Variants in TRIP4 observed in about 807,000 individuals in gnomAD.
The protein encoded by TRIP4 is activating signal cointegrator 1.
A neutral mutation model predicts 81.8 loss-of-function variants in TRIP4; 54 were observed. That is an observed-to-expected ratio of 0.66 (90% CI 0.53 to 0.83). TRIP4 has a LOEUF of 0.83. TRIP4 is among the 40% of genes least tolerant of loss of function. TRIP4 has a pLI of 0.00. For synonymous variants in TRIP4, 270 were observed against 242.8 expected (o/e 1.11, Z -1.04); for missense variants, 662 against 683.6 (o/e 0.97, Z 0.35).
intron 12 of TRIP4, among the ~76,000 whole-genome samples, chr15:64,451,993 C>G (rs1369266329): frequency 6.9e-6 from 1 of 145,240 alleles, no homozygotes; most frequent in African/African-American, 2.6e-5. Context: ...AGGTCTCACT[C>G]TGTTGCCCAT....
At chr15:64,435,675 C>A (rs370363732) in intron 11 of TRIP4, among the ~76,000 whole-genome samples, 1 of 150,000 alleles carries the variant, frequency 6.7e-6, no homozygotes, top group East Asian at 1.9e-4. Flanking sequence ...CCCTCTAGAT[C>A]TTTAAGTATA....
At chr15:64,435,213 CAAAAAAAAAAAAA>C (rs35216763) in intron 11 of TRIP4, among the ~76,000 whole-genome samples, 2 of 50,398 alleles carry the variant, frequency 4.0e-5, no homozygotes, top group African/African-American at 1.8e-4. Flanking sequence ...GACCCCATCT[CAAAAAAAAAAAAA>C]AAAAAAAAAA....
At chr15:64,395,004 C>G (rs909494951) in intron 2 of TRIP4, among the ~76,000 whole-genome samples, 2 of 152,092 alleles carry the variant, frequency 1.3e-5, no homozygotes, top group Non-Finnish European at 2.9e-5. Context: ...GTTACCACAC[C>G]TGGCTAATTT....
chr15:64,404,622 T>A (rs1305938298), intron 5 of TRIP4, among the ~76,000 whole-genome samples: 1 of 152,302 alleles, frequency 6.6e-6, no homozygotes, highest in South Asian at 2.1e-4. Flanking sequence ...GTAATTTTAT[T>A]ATTAATGAGG....
intron 11 of TRIP4, among the ~76,000 whole-genome samples, chr15:64,435,287 C>T (rs1429214504): frequency 6.7e-6 from 1 of 149,412 alleles, no homozygotes; most frequent in Non-Finnish European, 1.5e-5. Flanking sequence ...TTTGGGAGGC[C>T]ATGGCGGGCA....
chr15:64,423,912 C>A, intron 9 of TRIP4, 119 bp from the exon 10 acceptor site: 1 of 1,157,196 alleles, frequency 8.6e-7, no homozygotes, highest in African/African-American at 1.5e-5. Flanking sequence ...CTTGAGAAGG[C>A]ATCATCTATA....
At chr15:64,445,267 C>T (rs1386053241) in intron 12 of TRIP4, 159 bp downstream of exon 12, 4 of 425,492 alleles carry the variant, frequency 9.4e-6, no homozygotes, top group Admixed American at 4.4e-5. Context: ...CTTTGATGGT[C>T]TAATTTTCTT....
At chr15:64,392,084 G>C (rs1198929669) in intron 1 of TRIP4, among the ~76,000 whole-genome samples, 2 of 151,278 alleles carry the variant, frequency 1.3e-5, no homozygotes, top group Non-Finnish European at 2.9e-5. Flanking sequence ...AGACCAGCCT[G>C]GCCAACATAG....
Position 64,425,987 on chromosome 15 carries a change from G to T in TRIP4, c.1575+356G>T, listed in dbSNP as rs376710067. On this transcript the variant is annotated intron_variant, in intron 11 of 12. Coordinates refer to ENST00000261884, the MANE Select transcript of TRIP4 (RefSeq NM_016213.5). ...AGTCCCAGCTGCTCCAAAGGCTGAG[G>T]CAGGAGAATAGCTTGAACCCGGGAG... Among the ~76,000 whole-genome samples the T allele has an allele frequency of 9.2e-5, 14 of 152,266 alleles. No individual in the cohort carries two copies. The South Asian group carries it at 1.5e-3, about 16-fold the overall frequency.
chr15:64,411,952 A>AT (rs11371201), intron 7 of TRIP4, among the ~76,000 whole-genome samples: 152,273 of 152,274 alleles, frequency 1, 76,136 homozygotes, highest in Non-Finnish European at 1. Context: ...AAGTGCTGGG[A>AT]TACAGGCGTG....
intron 11 of TRIP4, among the ~76,000 whole-genome samples, chr15:64,437,456 G>A (rs1275790500): frequency 1.3e-5 from 2 of 150,954 alleles, no homozygotes; most frequent in African/African-American, 4.9e-5. Flanking sequence ...GAAAGGATTT[G>A]AACTGTGTTC....
intron 5 of TRIP4, among the ~76,000 whole-genome samples, chr15:64,402,667 G>A (rs1891537646): frequency 6.6e-6 from 1 of 151,686 alleles, no homozygotes; most frequent in Non-Finnish European, 1.5e-5. Flanking sequence ...GGGATTACAA[G>A]CGCATGCCAC....
intron 11 of TRIP4, among the ~76,000 whole-genome samples, chr15:64,430,246 A>G (rs1892238598): frequency 6.6e-6 from 1 of 152,208 alleles, no homozygotes; most frequent in African/African-American, 2.4e-5. Context: ...AACCCTCCTG[A>G]GTAATGGCAG....
chr15:64,391,874 G>A (rs562565512), intron 1 of TRIP4, among the ~76,000 whole-genome samples: 2 of 150,964 alleles, frequency 1.3e-5, no homozygotes, highest in Non-Finnish European at 1.5e-5. Flanking sequence ...AGGAGGCTGA[G>A]GCAGGAGAAT....
Position 64,454,353 on chromosome 15 carries a change from G to C in TRIP4, c.1679-644G>C, listed in dbSNP as rs904084288. ...CTCTATCCTGGTAGATCTGAGAAGA[G>C]GTCAGAGACCACATCAGTAATATAC... is the stretch of plus-strand genomic sequence containing the variant. On this transcript the variant is annotated intron_variant, in intron 12 of 12. Coordinates refer to ENST00000261884, the MANE Select transcript of TRIP4 (RefSeq NM_016213.5). Among the ~76,000 whole-genome samples, 10 of 152,230 alleles carry C rather than the reference G, an allele frequency of 6.6e-5. No individual in the cohort carries two copies. The East Asian group carries it at 1.9e-3, about 29-fold the overall frequency.
intron 9 of TRIP4, among the ~76,000 whole-genome samples, chr15:64,421,647 TTTTC>T (rs1892015922): frequency 6.6e-6 from 1 of 152,134 alleles, no homozygotes; most frequent in Non-Finnish European, 1.5e-5. Context: ...TTACTGTACC[TTTTC>T]TATGTCTAGA....
At chr15:64,406,269 A>G in intron 5 of TRIP4, 61 bp from the exon 6 acceptor site, 1 of 1,588,330 alleles carries the variant, frequency 6.3e-7, no homozygotes, top group Non-Finnish European at 8.6e-7. Context: ...TTTGTTGCAC[A>G]CTGGTACAAC....
At chr15:64,434,570 C>T (rs773180722) in intron 11 of TRIP4, among the ~76,000 whole-genome samples, 2 of 151,954 alleles carry the variant, frequency 1.3e-5, no homozygotes, top group Non-Finnish European at 2.9e-5. Flanking sequence ...TGAGGGAAAA[C>T]TAATTTGGCA....
chr15:64,418,546 T>A lies in TRIP4; in HGVS notation c.1176T>A (p.Val392=). 6.2e-7 allele frequency: 1 copy of A among 1,611,862 alleles called. No individual in the cohort carries two copies. The highest frequency in any genetic ancestry group is 8.5e-7 in the Non-Finnish European group (1 of 1,179,610). Residue 392 remains valine, a synonymous_variant, in exon 9 of 13, where the codon GTT becomes GTA. Transcript: ENST00000261884. ...ATGTTTGTTTTTCTGTGTAGTGGGTTGACCACACAGGTGCAGCCTCACAGA... is the reference window on the plus strand; with the variant it reads ...ATGTTTGTTTTTCTGTGTAGTGGGTAGACCACACAGGTGCAGCCTCACAGA... The part of the protein sequence containing the change: ...PNMYQSPPQW[V]DHTGAASQKK...
Sources: allele counts gnomAD v4.1 joint callset (sites outside exome capture counted in the v4.1 genomes callset), GRCh38; gene constraint gnomAD v4.1.1; transcripts MANE v1.5; gene names NCBI Gene and HGNC (gene_info 2026-07-23, HGNC 2026-07-21).